Variants in THRB observed in about 807,000 individuals in gnomAD.
THRB encodes nuclear receptor subfamily 1 group A member 2.
THRB carries 12 observed loss-of-function variants against 47.8 expected under a neutral mutation model. The observed-to-expected ratio is 0.25, with a 90% confidence interval of 0.16 to 0.41. The LOEUF (loss-of-function observed/expected upper bound fraction) is 0.41, where lower values mean the gene tolerates loss of function less well. THRB is among the 10% of genes least tolerant of loss of function. The pLI, the probability that THRB is intolerant of heterozygous loss-of-function variation, is 1.00. For missense variants in THRB, 348 were observed against 589.2 expected, an observed-to-expected ratio of 0.59 and a Z score of 4.24; for synonymous variants, 218 against 212.2, an observed-to-expected ratio of 1.03 and a Z score of -0.24.
chr3:24,355,189 G>A (rs2063597099), intron 1 of THRB, among the ~76,000 whole-genome samples: 2 of 152,112 alleles, frequency 1.3e-5, no homozygotes, highest in South Asian at 4.1e-4. Flanking sequence ...GATCATTAAT[G>A]TGGTGTTTCC....
Position 24,165,314 on chromosome 3 carries a change from G to GT in THRB, c.284-12825_284-12824insA, listed in dbSNP as rs2039500908. 6 of 764,940 alleles carry GT rather than the reference G, an allele frequency of 7.8e-6. No homozygotes were observed. In the East Asian group the frequency reaches 1.5e-4, roughly 19 times the overall value. The allele number at this position is 764,940 out of a possible 1,614,324, so 47.4% of individuals were successfully genotyped here. ...CTGCATGTAGCAATTGCTGCCGGCA[G>GT]CTGGGTGCACTTCATATATTTCTTG... On this transcript the variant is annotated intron_variant, in intron 5 of 10. Transcript: ENST00000646209.
intron 3 of THRB, among the ~76,000 whole-genome samples, chr3:24,236,724 C>T (rs79896890): frequency 0.039 from 5,892 of 152,260 alleles, 192 homozygotes; most frequent in East Asian, 0.14. Flanking sequence ...TTCAAGGTTA[C>T]TTTGCATGTT....
At chr3:24,271,254 A>G (rs2053293872) in intron 3 of THRB, among the ~76,000 whole-genome samples, 1 of 152,216 alleles carries the variant, frequency 6.6e-6, no homozygotes, top group Admixed American at 6.5e-5. Context: ...CTGAAACTGT[A>G]TGCATGCGGC....
At chr3:24,457,863 T>C (rs1476148044) in intron 1 of THRB, 3 of 151,898 alleles carry the variant, frequency 2.0e-5, no homozygotes, top group Non-Finnish European at 4.4e-5. Flanking sequence ...GCCTTTAGAG[T>C]AGAGTTAGGC....
intron 5 of THRB, among the ~76,000 whole-genome samples, chr3:24,173,819 C>G (rs79637359): frequency 0.063 from 9,546 of 152,216 alleles, 634 homozygotes; most frequent in Admixed American, 0.21. Context: ...CAGCTATTGC[C>G]CGTGTGCAGA....
chr3:24,265,834 GT>G (rs1376073269), intron 3 of THRB, among the ~76,000 whole-genome samples: 1 of 152,084 alleles, frequency 6.6e-6, no homozygotes, highest in Non-Finnish European at 1.5e-5. Flanking sequence ...ATAGGGTACT[GT>G]TAGAGGAAAG....
At chr3:24,455,163 T>C (rs1000643600) in intron 1 of THRB, 1 of 145,642 alleles carries the variant, frequency 6.9e-6, no homozygotes, top group African/African-American at 2.6e-5. Flanking sequence ...GAAGTTTACA[T>C]TGGAGTCTCT....
intron 3 of THRB, among the ~76,000 whole-genome samples, chr3:24,291,668 T>C (rs958624264): frequency 6.6e-6 from 1 of 152,222 alleles, no homozygotes; most frequent in Admixed American, 6.5e-5. Context: ...GCATTTTTTT[T>C]CCAAATATTT....
intron 3 of THRB, among the ~76,000 whole-genome samples, chr3:24,275,454 T>C (rs143798031): frequency 2.6e-4 from 39 of 152,302 alleles, no homozygotes; most frequent in Non-Finnish European, 4.3e-4. Flanking sequence ...GTTAGGCACC[T>C]TTGTGGCTAA....
At chr3:24,253,888 T>C (rs1164765342) in intron 3 of THRB, among the ~76,000 whole-genome samples, 1 of 151,904 alleles carries the variant, frequency 6.6e-6, no homozygotes, top group Non-Finnish European at 1.5e-5. Flanking sequence ...CTATGCATGT[T>C]TTCCATGTCT....
chr3:24,184,306 G>A (rs936929288), intron 5 of THRB, among the ~76,000 whole-genome samples: 2 of 152,174 alleles, frequency 1.3e-5, no homozygotes, highest in African/African-American at 2.4e-5. Context: ...GAACAGACTT[G>A]TGCCCTGTGT....
intron 1 of THRB, among the ~76,000 whole-genome samples, chr3:24,422,971 C>A (rs1194895481): frequency 6.6e-6 from 1 of 151,878 alleles, no homozygotes; most frequent in Non-Finnish European, 1.5e-5. Flanking sequence ...TGAGAGAGGA[C>A]TGGAAGTTTC....
intron 6 of THRB, among the ~76,000 whole-genome samples, chr3:24,149,895 T>C (rs908782046): frequency 6.6e-6 from 1 of 152,236 alleles, no homozygotes; most frequent in African/African-American, 2.4e-5. Context: ...ATATATTTCA[T>C]TGATGATTTG....
intron 5 of THRB, among the ~76,000 whole-genome samples, chr3:24,158,884 G>T (rs2038329161): frequency 6.6e-6 from 1 of 151,820 alleles, no homozygotes; most frequent in Admixed American, 6.6e-5. Context: ...CATACTTGGG[G>T]GCATTGGAGT....
intron 1 of THRB, among the ~76,000 whole-genome samples, chr3:24,396,730 T>G (rs906418727): frequency 6.6e-6 from 1 of 152,132 alleles, no homozygotes; most frequent in Non-Finnish European, 1.5e-5. Context: ...AAAGGTGTTT[T>G]GAAATAAAAT....
Position 24,238,950 on chromosome 3 carries a change from T to C in THRB, c.-42-9949A>G, listed in dbSNP as rs145354680. ...CATTCTCACGCATTAGGTTCTTTTT[T>C]TTTTTTTTTGAGACAGAGTCTTGCT... On this transcript the variant is annotated intron_variant, in intron 3 of 10. Coordinates refer to ENST00000646209, the MANE Select transcript of THRB (RefSeq NM_001354712.2). 6.4e-4 allele frequency among the ~76,000 whole-genome samples: 98 copies of C among 152,010 alleles called. 1 individual carries two copies. Among genetic ancestry groups the C allele is most frequent in the African/African-American group, 2.3e-3 (97 of 41,522 alleles).
chr3:24,186,642 C>A (rs1196139384), intron 5 of THRB, among the ~76,000 whole-genome samples: 2 of 151,992 alleles, frequency 1.3e-5, no homozygotes, highest in African/African-American at 2.4e-5. Flanking sequence ...TAGGTATATG[C>A]AGGTTAAAAT....
chr3:24,255,384 A>T (rs1164874779), intron 3 of THRB, among the ~76,000 whole-genome samples: 1 of 152,194 alleles, frequency 6.6e-6, no homozygotes, highest in African/African-American at 2.4e-5. Flanking sequence ...ACAATACAAC[A>T]CATATACAAT....
intron 2 of THRB, among the ~76,000 whole-genome samples, chr3:24,305,870 A>T (rs905234424): frequency 6.6e-6 from 1 of 152,122 alleles, no homozygotes; most frequent in East Asian, 1.9e-4. Context: ...CCTTCCTCTA[A>T]TCGTGCCTTG....
Sources: allele counts gnomAD v4.1 joint callset (sites outside exome capture counted in the v4.1 genomes callset), GRCh38; gene constraint gnomAD v4.1.1; transcripts MANE v1.5; gene names NCBI Gene and HGNC (gene_info 2026-07-23, HGNC 2026-07-21).